The following PPM1L variants were observed in gnomAD, a reference collection of about 807,000 sequenced individuals.
PPM1L encodes the protein protein phosphatase 1L.
Under a neutral mutation model 31.4 loss-of-function variants are expected in PPM1L, and 13 were observed. The observed-to-expected ratio is 0.41, with a 90% CI of 0.27 to 0.66. PPM1L has a LOEUF of 0.66. Among genes scored for constraint, PPM1L ranks in the 30% least tolerant of loss-of-function variants. The pLI is 0.29. For synonymous variants in PPM1L, 184 were observed against 175.4 expected, an observed-to-expected ratio of 1.05 and a Z score of -0.39; for missense variants, 326 against 453.7, an observed-to-expected ratio of 0.72 and a Z score of 2.56.
At chr3:160,947,430 T>C (rs1239065514) in intron 1 of PPM1L, among the ~76,000 whole-genome samples, 1 of 152,174 alleles carries the variant, frequency 6.6e-6, no homozygotes, top group African/African-American at 2.4e-5. Context: ...GTTAGCTTCT[T>C]CTTGCTCCTT....
chr3:160,829,505 AC>A (rs1373627977), intron 1 of PPM1L, among the ~76,000 whole-genome samples: 1 of 152,144 alleles, frequency 6.6e-6, no homozygotes, highest in Non-Finnish European at 1.5e-5. Context: ...TAGACAACTC[AC>A]TCAACTGCCA....
chr3:160,771,557 T>C (rs7611625), intron 1 of PPM1L, among the ~76,000 whole-genome samples: 4 of 148,098 alleles, frequency 2.7e-5, no homozygotes, highest in African/African-American at 1.0e-4. Context: ...TTTTTTTTTT[T>C]TTTTTTTTTT....
intron 1 of PPM1L, among the ~76,000 whole-genome samples, chr3:160,903,684 A>G (rs1713643410): frequency 6.6e-6 from 1 of 151,988 alleles, no homozygotes. Flanking sequence ...TTGAGGATCT[A>G]CCACATACCA....
rs1273756704 is a variant in PPM1L, at chr3:161,037,121, ATTC to A, written c.575-28277_575-28275del. Among the ~76,000 whole-genome samples, 7 of 152,296 alleles carry A rather than the reference ATTC, an allele frequency of 4.6e-5. No individual in the cohort carries two copies. In the East Asian group the frequency reaches 1.2e-3, roughly 25 times the overall value. ...ACTTCTCTCATTGCGGTGGAACTTA[ATTC>A]TTCTCCCTTTGAGTGCAGGGAGGAC... On this transcript the variant is annotated intron_variant, in intron 2 of 3. Transcript: ENST00000498165.
intron 1 of PPM1L, among the ~76,000 whole-genome samples, chr3:160,919,606 A>T (rs1196780377): frequency 1.3e-5 from 2 of 152,026 alleles, no homozygotes; most frequent in South Asian, 4.1e-4. Flanking sequence ...CTTTTTTGTT[A>T]GTTTGTTTTA....
chr3:160,835,749 A>G (rs1713695846), intron 1 of PPM1L, among the ~76,000 whole-genome samples: 1 of 152,194 alleles, frequency 6.6e-6, no homozygotes. Flanking sequence ...CATAGAAACT[A>G]GCTTAGCAGC....
In PPM1L at chr3:161,078,573, G is replaced by A. The variant is rs895378472; in HGVS notation, c.*9416G>A. ...CATGATAAATACAACAAGGCTTGGC[G>A]AAACCTCATTACTCTTGGAAGTCTT... On this transcript the variant is annotated 3_prime_UTR_variant, in exon 4 of 4. Transcript: ENST00000498165. 1 of 152,168 alleles carries A rather than the reference G, an allele frequency of 6.6e-6. No homozygotes were observed. Among genetic ancestry groups the A allele is most frequent in the African/African-American group, 2.4e-5 (1 of 41,438 alleles). The allele number at this position is 152,168 out of a possible 1,614,324, so 9.4% of individuals were successfully genotyped here. A position where few individuals can be genotyped will look rare whatever the true frequency, so the allele number is the denominator to read the frequency against.
chr3:161,056,859 C>G (rs1209849939), intron 2 of PPM1L, among the ~76,000 whole-genome samples: 1 of 151,914 alleles, frequency 6.6e-6, no homozygotes. Context: ...GTCAGGAGTT[C>G]AAGACCAACC....
intron 1 of PPM1L, among the ~76,000 whole-genome samples, chr3:160,900,000 T>A (rs1021719430): frequency 6.6e-6 from 1 of 152,144 alleles, no homozygotes; most frequent in Non-Finnish European, 1.5e-5. Context: ...ATATTCTTGG[T>A]TTTTACTTCA....
chr3:160,969,638 G>A (rs975403579), intron 2 of PPM1L, among the ~76,000 whole-genome samples: 1 of 152,132 alleles, frequency 6.6e-6, no homozygotes, highest in Non-Finnish European at 1.5e-5. Context: ...GTGACACTAA[G>A]GTTTCCTTAC....
At chr3:160,956,907 A>T (rs953024719) in intron 1 of PPM1L, among the ~76,000 whole-genome samples, 1 of 152,230 alleles carries the variant, frequency 6.6e-6, no homozygotes, top group African/African-American at 2.4e-5. Context: ...CAAAGTATTG[A>T]GCTTCTATGG....
At chr3:160,980,445 G>A (rs1287773167) in intron 2 of PPM1L, among the ~76,000 whole-genome samples, 3 of 151,950 alleles carry the variant, frequency 2.0e-5, no homozygotes, top group Non-Finnish European at 2.9e-5. Flanking sequence ...GGGAGGCGTA[G>A]GACGGGGGAT....
Position 160,992,805 on chromosome 3 carries a change from G to C in PPM1L, c.574+30895G>C, listed in dbSNP as rs12107432. Among the ~76,000 whole-genome samples the C allele has an allele frequency of 1.6e-4, 25 of 152,316 alleles. No individual in the cohort carries two copies. In the South Asian group the frequency reaches 3.5e-3, roughly 21 times the overall value. ...CTACAAACCAAGAACTGTGGCCAAG[G>C]AGAAAGAACTCTGATTGGCTAGCCT... is the stretch of plus-strand genomic sequence containing the variant. On this transcript the variant is annotated intron_variant, in intron 2 of 3. Transcript: ENST00000498165.
intron 1 of PPM1L, among the ~76,000 whole-genome samples, chr3:160,961,528 T>C (rs1715963593): frequency 6.6e-6 from 1 of 152,186 alleles, no homozygotes. Flanking sequence ...TTAAACCTAG[T>C]AGAAAACTCT....
intron 1 of PPM1L, among the ~76,000 whole-genome samples, chr3:160,959,857 A>C (rs1715896262): frequency 6.6e-6 from 1 of 151,940 alleles, no homozygotes; most frequent in South Asian, 2.1e-4. Flanking sequence ...TAAAAAAATA[A>C]AGTGTCTTCC....
chr3:161,066,067 G>A (rs1335141684), intron 3 of PPM1L, among the ~76,000 whole-genome samples: 2 of 152,210 alleles, frequency 1.3e-5, no homozygotes, highest in African/African-American at 4.8e-5. Context: ...AGCATCCTAT[G>A]TGGACGTCTT....
At chr3:160,789,471 G>A (rs2108072126) in intron 1 of PPM1L, among the ~76,000 whole-genome samples, 1 of 151,822 alleles carries the variant, frequency 6.6e-6, no homozygotes, top group African/African-American at 2.4e-5. Context: ...TTTGAATAAT[G>A]TAAAATAATA....
chr3:160,764,497 C>T (rs1485844179), intron 1 of PPM1L, among the ~76,000 whole-genome samples: 1 of 145,258 alleles, frequency 6.9e-6, no homozygotes, highest in Non-Finnish European at 1.5e-5. Context: ...AAGACGGTGT[C>T]TTGTTCTGTC....
chr3:161,022,554 A>G (rs1718261923), intron 2 of PPM1L: 1 of 161,690 alleles, frequency 6.2e-6, no homozygotes, highest in African/African-American at 2.4e-5. Flanking sequence ...GCATCCTTGT[A>G]TTTCACTTTG....
Sources: gnomAD v4.1 joint callset for allele counts (sites outside exome capture counted in the v4.1 genomes callset) on GRCh38, gnomAD v4.1.1 for gene constraint, MANE v1.5 for transcripts, NCBI Gene and HGNC (gene_info 2026-07-23, HGNC 2026-07-21) for gene names.